The following TDRD3 variants were observed in gnomAD, a reference collection of about 807,000 sequenced individuals.
TDRD3 encodes tudor domain-containing protein 3.
A neutral mutation model predicts 86.7 loss-of-function variants in TDRD3; 45 were observed. The observed-to-expected ratio is 0.52, with a 90% CI of 0.41 to 0.67. The LOEUF is 0.67. Ranked by LOEUF, TDRD3 falls within the 30% of genes least tolerant of loss-of-function variation. TDRD3 has a pLI of 0.00. For synonymous variants in TDRD3, 298 were observed against 301.7 expected (o/e 0.99, Z 0.13); for missense variants, 814 against 889.0 (o/e 0.92, Z 1.07).
intron 12 of TDRD3, 177 bp downstream of exon 12, chr13:60,535,410 AAAATG>A (rs1256803881): frequency 5.9e-6 from 3 of 509,964 alleles, no homozygotes; most frequent in East Asian, 3.9e-5. Flanking sequence ...AACTACAATA[AAAATG>A]AATGCATTGA....
chr13:60,411,552 G>C (rs958146801), intron 1 of TDRD3, among the ~76,000 whole-genome samples: 7 of 152,152 alleles, frequency 4.6e-5, no homozygotes, highest in South Asian at 2.1e-4. Context: ...TAGGTTGAAG[G>C]CTAGGCTGAT....
chr13:60,525,674 A>G (rs1363562655), intron 10 of TDRD3, among the ~76,000 whole-genome samples: 2 of 152,302 alleles, frequency 1.3e-5, no homozygotes, highest in East Asian at 3.9e-4. Context: ...CCTCTTTACT[A>G]TCAGCAATTT....
At chr13:60,453,391 T>C (rs1395593195) in intron 3 of TDRD3, among the ~76,000 whole-genome samples, 1 of 152,228 alleles carries the variant, frequency 6.6e-6, no homozygotes, top group Non-Finnish European at 1.5e-5. Flanking sequence ...TGGTTACCAA[T>C]CAATACATAT....
At chr13:60,524,131 G>C (rs1461297885) in intron 10 of TDRD3, among the ~76,000 whole-genome samples, 2 of 152,080 alleles carry the variant, frequency 1.3e-5, no homozygotes, top group African/African-American at 4.8e-5. Flanking sequence ...TTCTCAAAAA[G>C]GGGAGGTGAG....
chr13:60,510,802 C>CTTTT (rs370448567), intron 10 of TDRD3, 47 bp downstream of exon 10: 8 of 1,203,970 alleles, frequency 6.6e-6, no homozygotes, highest in South Asian at 2.2e-5. Context: ...TCTTTTCTTT[C>CTTTT]TTTTTTTTTT....
At chr13:60,491,515 G>A (rs904804231) in intron 7 of TDRD3, among the ~76,000 whole-genome samples, 8 of 152,224 alleles carry the variant, frequency 5.3e-5, no homozygotes, top group Non-Finnish European at 1.0e-4. Context: ...CAGCCAAGGT[G>A]TGACCAGTAA....
At chr13:60,404,034 T>G (rs1045246925) in intron 1 of TDRD3, among the ~76,000 whole-genome samples, 1 of 152,228 alleles carries the variant, frequency 6.6e-6, no homozygotes, top group African/African-American at 2.4e-5. Flanking sequence ...TTATTTTACT[T>G]GCAAGATTTT....
intron 10 of TDRD3, among the ~76,000 whole-genome samples, chr13:60,525,261 C>T (rs1187218344): frequency 6.9e-6 from 1 of 143,980 alleles, no homozygotes; most frequent in African/African-American, 2.6e-5. Context: ...GCATCTTCCA[C>T]CTCCCGGGTT....
At chr13:60,500,776 CTGAG>C (rs1369791568) in intron 8 of TDRD3, among the ~76,000 whole-genome samples, 1 of 152,186 alleles carries the variant, frequency 6.6e-6, no homozygotes, top group African/African-American at 2.4e-5. Flanking sequence ...ATGGACCACT[CTGAG>C]TGGTCAAAAA....
At chr13:60,479,956 G>A (rs1052752423) in intron 5 of TDRD3, among the ~76,000 whole-genome samples, 1 of 152,134 alleles carries the variant, frequency 6.6e-6, no homozygotes, top group Non-Finnish European at 1.5e-5. Context: ...TATCCAACTT[G>A]CCATCGTATT....
chr13:60,508,154 G>A (rs977329939), intron 8 of TDRD3, among the ~76,000 whole-genome samples: 4 of 152,178 alleles, frequency 2.6e-5, no homozygotes, highest in Non-Finnish European at 4.4e-5. Flanking sequence ...CCATGCTCAC[G>A]GATAGGAAGA....
intron 12 of TDRD3, among the ~76,000 whole-genome samples, chr13:60,541,826 C>T (rs1458484468): frequency 7.2e-6 from 1 of 139,826 alleles, no homozygotes; most frequent in Non-Finnish European, 1.5e-5. Flanking sequence ...CTCCTGGGTT[C>T]AAGCAATTCT....
intron 1 of TDRD3, among the ~76,000 whole-genome samples, chr13:60,421,127 C>T (rs1325880497): frequency 2.6e-5 from 4 of 151,990 alleles, no homozygotes; most frequent in Admixed American, 6.6e-5. Context: ...TGAGCATTTG[C>T]GTTTCCATAT....
rs187450336 is a variant in TDRD3, at chr13:60,500,664, G to A, written c.858+6089G>A. 4.9e-3 allele frequency among the ~76,000 whole-genome samples: 739 copies of A among 152,350 alleles called. 5 individuals are homozygous for A. The highest frequency in any genetic ancestry group is 7.6e-3 in the Non-Finnish European group (515 of 68,034). ...ATGGCGAAATGTGCGATTATATACT[G>A]ATTTATGGGCTGTAGCCAATGGTTT... On this transcript the variant is annotated intron_variant, in intron 8 of 13. Transcript: ENST00000377881.
chr13:60,429,166 G>C (rs1954890454), intron 1 of TDRD3, among the ~76,000 whole-genome samples: 1 of 152,056 alleles, frequency 6.6e-6, no homozygotes, highest in African/African-American at 2.4e-5. Flanking sequence ...GTATTTACCT[G>C]TTTAGTGACA....
chr13:60,407,835 G>A (rs1020734413), intron 1 of TDRD3, among the ~76,000 whole-genome samples: 4 of 152,132 alleles, frequency 2.6e-5, no homozygotes, highest in Admixed American at 1.3e-4. Flanking sequence ...GCTGTGTTCC[G>A]ACCCAAATCT....
chr13:60,438,834 A>G (rs1423674062), intron 1 of TDRD3, among the ~76,000 whole-genome samples: 6 of 152,112 alleles, frequency 3.9e-5, no homozygotes, highest in African/African-American at 1.4e-4. Context: ...AATGTCTGCA[A>G]TGGTGATGGT....
intron 5 of TDRD3, among the ~76,000 whole-genome samples, chr13:60,473,622 C>G (rs976292138): frequency 6.6e-6 from 1 of 152,108 alleles, no homozygotes; most frequent in Non-Finnish European, 1.5e-5. Context: ...ACTCTTTATT[C>G]CAATATTATA....
At chr13:60,485,073 CTG>C (rs928118223) in intron 6 of TDRD3, among the ~76,000 whole-genome samples, 39 of 152,000 alleles carry the variant, frequency 2.6e-4, no homozygotes, top group African/African-American at 8.9e-4. Flanking sequence ...GTAATGCTGA[CTG>C]TGTATTTATT....
Sources: gnomAD v4.1 joint callset for allele counts (sites outside exome capture counted in the v4.1 genomes callset) on GRCh38, gnomAD v4.1.1 for gene constraint, MANE v1.5 for transcripts, NCBI Gene and HGNC (gene_info 2026-07-23, HGNC 2026-07-21) for gene names.